CHST9: variants seen among roughly 807,000 people sequenced by gnomAD.
CHST9 encodes carbohydrate sulfotransferase 9.
In CHST9, 41 loss-of-function variants were observed where a neutral mutation model predicts 44.4. The ratio of observed to expected loss-of-function variants is 0.92; its 90% CI spans 0.72 to 1.20. The LOEUF (loss-of-function observed/expected upper bound fraction) is 1.20, where lower values mean the gene tolerates loss of function less well. CHST9 is among the 50% of genes most tolerant of loss of function. The probability of loss-of-function intolerance (pLI) is 0.00; values close to 1 mark genes in which losing one functional copy is unlikely to be tolerated. For synonymous variants in CHST9, 171 were observed against 178.4 expected (o/e 0.96, Z 0.33); for missense variants, 504 against 516.5 (o/e 0.98, Z 0.23).
chr18:26,978,983 T>A (rs1312147715), intron 4 of CHST9, among the ~76,000 whole-genome samples: 1 of 152,142 alleles, frequency 6.6e-6, no homozygotes, highest in Non-Finnish European at 1.5e-5. Context: ...GTGGTTTTTG[T>A]GGTTTTTGTT....
chr18:27,088,319 C>A (rs2058032688), intron 2 of CHST9, among the ~76,000 whole-genome samples: 1 of 151,994 alleles, frequency 6.6e-6, no homozygotes, highest in African/African-American at 2.4e-5. Context: ...TTGTACCTCA[C>A]ACATTCAATT....
chr18:27,180,471 A>T (rs1050422325), intron 1 of CHST9, among the ~76,000 whole-genome samples: 1 of 152,180 alleles, frequency 6.6e-6, no homozygotes, highest in African/African-American at 2.4e-5. Flanking sequence ...GTCCACGATG[A>T]CTACTCAATG....
intron 4 of CHST9, among the ~76,000 whole-genome samples, chr18:27,012,109 A>G (rs573337326): frequency 1.3e-5 from 2 of 152,314 alleles, no homozygotes; most frequent in East Asian, 3.9e-4. Flanking sequence ...TCCCAAGTCC[A>G]TAAACTGACA....
chr18:27,166,362 A>G (rs958059023), intron 1 of CHST9, among the ~76,000 whole-genome samples: 8 of 151,930 alleles, frequency 5.3e-5, no homozygotes, highest in African/African-American at 1.9e-4. Context: ...TGTCCCTCAA[A>G]CTCTACTCTC....
intron 3 of CHST9, among the ~76,000 whole-genome samples, chr18:27,036,342 T>A (rs534095829): frequency 1.6e-4 from 25 of 152,196 alleles, no homozygotes; most frequent in Middle Eastern, 3.4e-3. Flanking sequence ...GAAACAAATA[T>A]CTCTTGCTTG....
rs2056710357 is a variant in CHST9, at chr18:26,982,916, T to G, written c.203-38550A>C. Among the ~76,000 whole-genome samples, 4 of 152,044 alleles carry G rather than the reference T, an allele frequency of 2.6e-5. No individual in the cohort carries two copies. The South Asian group carries it at 8.3e-4, about 32-fold the overall frequency. Reference sequence around the variant, plus strand: ...GGCCCTTGCCTTAAGCTCCTCACAGTTTTGTGGCAGATATTGACAAGCAGA... The same window carrying G: ...GGCCCTTGCCTTAAGCTCCTCACAGGTTTGTGGCAGATATTGACAAGCAGA... On this transcript the variant is annotated intron_variant, in intron 4 of 5. Coordinates refer to ENST00000618847, the MANE Select transcript of CHST9 (RefSeq NM_031422.6).
intron 5 of CHST9, among the ~76,000 whole-genome samples, chr18:26,931,347 A>C (rs1364063804): frequency 6.6e-6 from 1 of 152,224 alleles, no homozygotes; most frequent in Non-Finnish European, 1.5e-5. Flanking sequence ...CTGAAGGGGT[A>C]AGGAAGTCTC....
intron 2 of CHST9, among the ~76,000 whole-genome samples, chr18:27,057,019 CT>C (rs2057664232): frequency 6.6e-6 from 1 of 152,146 alleles, no homozygotes; most frequent in Non-Finnish European, 1.5e-5. Context: ...GCTTAAATTC[CT>C]ATTCACATTT....
chr18:27,174,774 T>C (rs2058856197), intron 1 of CHST9, among the ~76,000 whole-genome samples: 1 of 152,028 alleles, frequency 6.6e-6, no homozygotes, highest in Admixed American at 6.6e-5. Context: ...ATACTTTTCT[T>C]AGTCAATGTG....
intron 2 of CHST9, among the ~76,000 whole-genome samples, chr18:27,129,364 T>A (rs2058452812): frequency 6.6e-6 from 1 of 151,280 alleles, no homozygotes; most frequent in Non-Finnish European, 1.5e-5. Flanking sequence ...GGTTTATTTT[T>A]ATTTTTTATT....
At chr18:27,109,378 G>A (rs562262390) in intron 2 of CHST9, among the ~76,000 whole-genome samples, 2 of 152,106 alleles carry the variant, frequency 1.3e-5, no homozygotes, top group South Asian at 4.1e-4. Context: ...TTTTTCTATG[G>A]TATGAAAAAG....
intron 1 of CHST9, among the ~76,000 whole-genome samples, chr18:27,168,538 T>A (rs1486291400): frequency 6.6e-6 from 1 of 152,124 alleles, no homozygotes; most frequent in Non-Finnish European, 1.5e-5. Flanking sequence ...GAATTTGAAA[T>A]TATTTTTTGA....
intron 2 of CHST9, among the ~76,000 whole-genome samples, chr18:27,071,665 T>C (rs748083768): frequency 3.3e-5 from 5 of 152,210 alleles, no homozygotes; most frequent in Admixed American, 1.3e-4. Flanking sequence ...GAGAAATCAC[T>C]AAAATATCTG....
chr18:27,016,696 T>C (rs911188254), intron 4 of CHST9, among the ~76,000 whole-genome samples: 1 of 152,200 alleles, frequency 6.6e-6, no homozygotes, highest in Non-Finnish European at 1.5e-5. Flanking sequence ...TAGAACATTA[T>C]CTTAATAAAG....
At chr18:26,960,233 C>T (rs1474711146) in intron 4 of CHST9, among the ~76,000 whole-genome samples, 2 of 151,978 alleles carry the variant, frequency 1.3e-5, no homozygotes, top group African/African-American at 4.8e-5. Flanking sequence ...AGAAGACTCT[C>T]GAGTTGAAGG....
chr18:27,020,984 G>A lies in CHST9; in HGVS notation c.202+3132C>T, dbSNP rs2057219806. Among the ~76,000 whole-genome samples the A allele has an allele frequency of 3.3e-5, 5 of 152,188 alleles. No homozygotes were observed. In the South Asian group the frequency reaches 1.0e-3, roughly 32 times the overall value. ...AATTCTGGAATGAGGTTTAGACTTG[G>A]TGCTAAAGGTGTGAGGGGCAGGTAG... is the stretch of plus-strand genomic sequence containing the variant. On this transcript the variant is annotated intron_variant, in intron 4 of 5. Transcript: ENST00000618847.
chr18:26,944,203 A>G, intron 5 of CHST9, 126 bp downstream of exon 5: 1 of 722,226 alleles, frequency 1.4e-6, no homozygotes, highest in South Asian at 1.8e-5. Context: ...TTTCCCCAGA[A>G]CCAATAACAT....
chr18:27,165,726 G>T (rs534273936), intron 1 of CHST9, among the ~76,000 whole-genome samples: 1 of 152,104 alleles, frequency 6.6e-6, no homozygotes, highest in South Asian at 2.1e-4. Context: ...TTCTTTTAAA[G>T]GAGCTAATTT....
chr18:27,074,601 C>T (rs529032188), intron 2 of CHST9, among the ~76,000 whole-genome samples: 3 of 152,214 alleles, frequency 2.0e-5, no homozygotes, highest in East Asian at 3.9e-4. Flanking sequence ...TTCCCCTACT[C>T]CAAGTCCTGG....
Sources: gnomAD v4.1 joint callset for allele counts (sites outside exome capture counted in the v4.1 genomes callset) on GRCh38, gnomAD v4.1.1 for gene constraint, MANE v1.5 for transcripts, NCBI Gene and HGNC (gene_info 2026-07-23, HGNC 2026-07-21) for gene names.